Variants in FHIP2B observed in about 807,000 individuals in gnomAD.
FHIP2B encodes the protein FHF complex subunit HOOK interacting protein 2B.
In FHIP2B, 72 loss-of-function variants were observed where a neutral mutation model predicts 84.0. The ratio of observed to expected loss-of-function variants is 0.86; its 90% CI spans 0.71 to 1.04. The LOEUF (loss-of-function observed/expected upper bound fraction) is 1.04, where lower values mean the gene tolerates loss of function less well. Among genes scored for constraint, FHIP2B ranks in the 50% least tolerant of loss-of-function variants. The probability of loss-of-function intolerance (pLI) is 0.00; values close to 1 mark genes in which losing one functional copy is unlikely to be tolerated. For missense variants in FHIP2B, 972 were observed against 968.9 expected (o/e 1.00, Z -0.04); for synonymous variants, 497 against 418.7 (o/e 1.19, Z -2.28).
At chr8:22,093,048 G>C (rs1434605318) in intron 1 of FHIP2B, among the ~76,000 whole-genome samples, 1 of 152,160 alleles carries the variant, frequency 6.6e-6, no homozygotes, top group East Asian at 1.9e-4. Context: ...GATTTCATGA[G>C]TGGCTACTCA....
intron 4 of FHIP2B, 24 bp from the exon 5 acceptor site, chr8:22,097,693 G>A: frequency 6.2e-7 from 1 of 1,611,728 alleles, no homozygotes. Flanking sequence ...TCTCCCCTCT[G>A]TTTCTGTCCT....
chr8:22,101,885 G>A (rs746468364), intron 14 of FHIP2B, 34 bp downstream of exon 14: 15 of 1,607,704 alleles, frequency 9.3e-6, no homozygotes, highest in Non-Finnish European at 1.1e-5. Flanking sequence ...AGAACTCCAG[G>A]CTGGTGCCTC....
Position 22,103,066 on chromosome 8 carries a change from T to C in FHIP2B, c.*135T>C, listed in dbSNP as rs1826217161. 1 of 1,162,212 alleles carries C rather than the reference T, an allele frequency of 8.6e-7. No homozygotes were observed. The highest frequency in any genetic ancestry group is 2.7e-5 in the Admixed American group (1 of 37,308). 72.0% of individuals were successfully genotyped at this position (1,162,212 alleles called of 1,614,324 possible). A position where few individuals can be genotyped will look rare whatever the true frequency, so the allele number is the denominator to read the frequency against. On this transcript the variant is annotated 3_prime_UTR_variant, in exon 17 of 17. Transcript: ENST00000289921. The stretch of plus-strand genomic sequence containing the variant: ...GCTCACTCAAGGAGACTGCGGCATG[T>C]TGACCACACCAGACTGGGTTTCAGG...
chr8:22,099,115 C>G, intron 8 of FHIP2B, 59 bp downstream of exon 8: 1 of 1,511,800 alleles, frequency 6.6e-7, no homozygotes, highest in South Asian at 1.2e-5. Context: ...ATCTCCATCT[C>G]GAGGACCAAG....
At chr8:22,100,562 G>A (rs1826047078) in intron 10 of FHIP2B, 32 bp from the exon 11 acceptor site, 1 of 1,512,354 alleles carries the variant, frequency 6.6e-7, no homozygotes, top group African/African-American at 1.4e-5. Flanking sequence ...GGTGGGGAAG[G>A]GGCTATCCTG....
At chr8:22,100,288 C>T (rs533459888) in intron 10 of FHIP2B, 11 of 392,818 alleles carry the variant, frequency 2.8e-5, no homozygotes, top group African/African-American at 8.4e-5. Flanking sequence ...AAGGCTAACA[C>T]GTACTACTTC....
chr8:22,090,489 C>T (rs1825432400), intron 1 of FHIP2B, among the ~76,000 whole-genome samples: 1 of 152,176 alleles, frequency 6.6e-6, no homozygotes, highest in South Asian at 2.1e-4. Flanking sequence ...TCTTCCCCTT[C>T]CCCCATCCCC....
intron 1 of FHIP2B, among the ~76,000 whole-genome samples, chr8:22,093,407 A>T (rs540111277): frequency 6.6e-5 from 10 of 151,892 alleles, no homozygotes; most frequent in Non-Finnish European, 1.3e-4. Context: ...TGGTGTAGAG[A>T]TGGAGAGAGC....
intron 1 of FHIP2B, among the ~76,000 whole-genome samples, chr8:22,091,603 T>C (rs543623279): frequency 3.9e-5 from 6 of 152,336 alleles, no homozygotes; most frequent in Admixed American, 6.5e-5. Flanking sequence ...TTTGGAGTTA[T>C]CATAGCTGGT....
chr8:22,097,657 A>G (rs1439630579), intron 4 of FHIP2B, 37 bp downstream of exon 4: 1 of 1,604,372 alleles, frequency 6.2e-7, no homozygotes, highest in Non-Finnish European at 8.5e-7. Context: ...TCTGGGTGTG[A>G]GGCCCCCTCT....
rs1014435654 is a variant in FHIP2B, at chr8:22,102,288, C to T, written c.1965C>T (p.Cys655=). The change falls in exon 15 of 17, where the codon TGC becomes TGT. Residue 655 remains cysteine (C), a synonymous_variant. Coordinates refer to ENST00000289921, the MANE Select transcript of FHIP2B (RefSeq NM_022749.7). ...LDPYISLAPG[C]RSLFSVLVRV... is the part of the protein sequence containing the mutation. ...CGTACATCAGCCTGGCCCCCGGCTG[C>T]AGGAGCCTATTCTCCGTGTTGGTGA... The T allele has an allele frequency of 1.4e-5, 23 of 1,612,906 alleles. No individual in the cohort carries two copies. The highest frequency in any genetic ancestry group is 1.8e-5 in the Non-Finnish European group (21 of 1,179,858).
At chr8:22,092,146 G>A (rs1825524605) in intron 1 of FHIP2B, among the ~76,000 whole-genome samples, 1 of 152,234 alleles carries the variant, frequency 6.6e-6, no homozygotes, top group Admixed American at 6.5e-5. Context: ...AAGATGCCCT[G>A]CGGACTGAGG....
chr8:22,099,591 G>C, intron 9 of FHIP2B, 113 bp from the exon 10 acceptor site: 1 of 1,314,776 alleles, frequency 7.6e-7, no homozygotes, highest in African/African-American at 1.5e-5. Flanking sequence ...GGATGGGCAA[G>C]TGACCACAGA....
At position 22,089,314 on chromosome 8, in the gene FHIP2B, C is replaced by A; in HGVS notation, c.45+16C>A. 9.9e-7 allele frequency: 1 copy of A among 1,009,308 alleles called. No homozygotes were observed. The allele number at this position is 1,009,308 out of a possible 1,614,324, so 62.5% of individuals were successfully genotyped here. ...CGTGGGGGCGGTGAGGCCGGCAGGG[C>A]CGGGCCGGGCCGCCGGGAGTCGCGG... On this transcript the variant is annotated intron_variant, in intron 1 of 16. Transcript: ENST00000289921.
chr8:22,100,321 T>TC (rs2131719582), intron 10 of FHIP2B: 1 of 417,212 alleles, frequency 2.4e-6, no homozygotes, highest in African/African-American at 2.1e-5. Flanking sequence ...AGGTTGATAC[T>TC]CCCATTTCTC....
chr8:22,096,504 G>T lies in FHIP2B; in HGVS notation c.292G>T (p.Ala98Ser), dbSNP rs1012990838. 1 of 1,532,678 alleles carries T rather than the reference G, an allele frequency of 6.5e-7. No homozygotes were observed. The highest frequency in any genetic ancestry group is 1.2e-5 in the South Asian group (1 of 81,614). 94.9% of individuals were successfully genotyped at this position (1,532,678 alleles called of 1,614,324 possible). The change falls in exon 3 of 17, where the codon GCC (alanine) becomes TCC (serine). Residue 98 changes from alanine to serine, a missense_variant. Transcript: ENST00000289921. ...ILETLCTLGK[A>S]EYPPGMRQQV... ...GGAGACTCTCTGCACGCTGGGCAAG[G>T]CCGAGGTGGGAGGCCCTCTGCGCGC... is the stretch of plus-strand genomic sequence containing the variant.
rs1231436311 is a variant in FHIP2B at position 22,089,208 on chromosome 8, G to T, written c.-46G>T. 8.6e-6 allele frequency: 9 copies of T among 1,052,134 alleles called. No individual in the cohort carries two copies. In the East Asian group the frequency reaches 4.9e-4, roughly 57 times the overall value. The allele number at this position is 1,052,134 out of a possible 1,614,324, so 65.2% of individuals were successfully genotyped here. ...CGGGGCTGCCTCCTCCGCCTAGAGC[G>T]CTGCCGCCGCCGCTTTCGCCCGGGA... On this transcript the variant is annotated 5_prime_UTR_variant, in exon 1 of 17. Transcript: ENST00000289921.
chr8:22,094,104 C>T (rs1304249764), intron 1 of FHIP2B, among the ~76,000 whole-genome samples: 2 of 152,144 alleles, frequency 1.3e-5, no homozygotes, highest in African/African-American at 4.8e-5. Context: ...TGTAGCGTAA[C>T]CATGCTGTGT....
chr8:22,089,306 CGGCAG>C lies in FHIP2B; in HGVS notation c.45+12_45+16del. 2.9e-6 allele frequency: 3 copies of C among 1,020,872 alleles called. No individual in the cohort carries two copies. The highest frequency in any genetic ancestry group is 3.5e-6 in the Non-Finnish European group (3 of 854,736). 63.2% of individuals were successfully genotyped at this position (1,020,872 alleles called of 1,614,324 possible). A position where few individuals can be genotyped will look rare whatever the true frequency, so the allele number is the denominator to read the frequency against. On this transcript the variant is annotated intron_variant, in intron 1 of 16. Coordinates refer to ENST00000289921, the MANE Select transcript of FHIP2B (RefSeq NM_022749.7). ...CAGGAAGCCGTGGGGGCGGTGAGGCCGGCAGGGCCGGGCCGGGCCGCCGGGAGTCG... is the reference window on the plus strand; with the variant it reads ...CAGGAAGCCGTGGGGGCGGTGAGGCCGGCCGGGCCGGGCCGCCGGGAGTCG...
Sources: gnomAD v4.1 joint callset for allele counts (sites outside exome capture counted in the v4.1 genomes callset) on GRCh38, gnomAD v4.1.1 for gene constraint, MANE v1.5 for transcripts, NCBI Gene and HGNC (gene_info 2026-07-23, HGNC 2026-07-21) for gene names.